The following GLRA1 variants were observed in gnomAD, a reference collection of about 807,000 sequenced individuals.
GLRA1 encodes the protein glycine receptor subunit alpha-1.
Under a neutral mutation model 48.3 loss-of-function variants are expected in GLRA1, and 37 were observed. The ratio of observed to expected loss-of-function variants is 0.77; its 90% CI spans 0.59 to 1.01. GLRA1 has a LOEUF of 1.01. Among genes scored for constraint, GLRA1 ranks in the 50% least tolerant of loss-of-function variants. The pLI is 0.00. For synonymous variants in GLRA1, 196 were observed against 210.7 expected (o/e 0.93, Z 0.60); for missense variants, 427 against 571.0 (o/e 0.75, Z 2.57).
intron 7 of GLRA1, among the ~76,000 whole-genome samples, chr5:151,840,621 G>T (rs1197101355): frequency 1.3e-5 from 2 of 151,218 alleles, no homozygotes; most frequent in Non-Finnish European, 2.9e-5. Context: ...GTCTATAAAA[G>T]ATACACTTTA....
chr5:151,904,832 G>A (rs891009547), intron 1 of GLRA1, among the ~76,000 whole-genome samples: 3 of 152,184 alleles, frequency 2.0e-5, no homozygotes, highest in Non-Finnish European at 2.9e-5. Context: ...TTCAAAGAGA[G>A]TTGGCAGATC....
rs121918415 is a variant in GLRA1 at position 151,855,047 on chromosome 5, G to A, written c.690C>T (p.Tyr230=). The change falls in exon 6 of 9, where the codon TAC becomes TAT. Residue 230 remains tyrosine, a synonymous_variant. Transcript: ENST00000274576. ...GGTGGCCCTTGTACCTACCTGTGTT[G>A]TAGTGCTTGGTGCAGTATCTCAAGT... ...EKDLRYCTKH[Y]NTGKFTCIEA... The A allele has an allele frequency of 3.7e-6, 6 of 1,614,134 alleles. No homozygotes were observed. Among genetic ancestry groups the A allele is most frequent in the Non-Finnish European group, 5.1e-6 (6 of 1,180,000 alleles).
At chr5:151,825,966 C>T (rs1178227371) in intron 8 of GLRA1, among the ~76,000 whole-genome samples, 1 of 152,158 alleles carries the variant, frequency 6.6e-6, no homozygotes, top group Non-Finnish European at 1.5e-5. Flanking sequence ...GGAAACTATT[C>T]TTTATGGTGA....
intron 8 of GLRA1, among the ~76,000 whole-genome samples, chr5:151,824,462 G>A (rs930869560): frequency 6.6e-6 from 1 of 152,136 alleles, no homozygotes; most frequent in African/African-American, 2.4e-5. Flanking sequence ...CCTGGACCCT[G>A]CCTGCTTTTG....
In GLRA1 at chr5:151,822,653, C is replaced by A. The variant is rs1322213050; in HGVS notation, c.*20G>T. 1 of 1,575,126 alleles carries A rather than the reference C, an allele frequency of 6.3e-7. No individual in the cohort carries two copies. The highest frequency in any genetic ancestry group is 1.3e-5 in the African/African-American group (1 of 74,098). On this transcript the variant is annotated 3_prime_UTR_variant, in exon 9 of 9. Transcript: ENST00000274576. ...TTCCCACGTTCCCCTCTCCCAGCCT[C>A]CCCCAACCTTTCAGACCCTTCACTG...
intron 7 of GLRA1, 144 bp downstream of exon 7, chr5:151,851,246 C>G (rs1752901275): frequency 1.5e-6 from 1 of 669,802 alleles, no homozygotes; most frequent in Non-Finnish European, 2.7e-6. Flanking sequence ...GTAGAACCTG[C>G]AAAGATCTGC....
At chr5:151,865,689 A>G (rs754701346) in intron 3 of GLRA1, among the ~76,000 whole-genome samples, 1 of 152,222 alleles carries the variant, frequency 6.6e-6, no homozygotes, top group Non-Finnish European at 1.5e-5. Context: ...TACATCATCT[A>G]AAAGAAGAAA....
At chr5:151,886,455 CTTG>C (rs1034970409) in intron 3 of GLRA1, among the ~76,000 whole-genome samples, 2 of 152,170 alleles carry the variant, frequency 1.3e-5, no homozygotes, top group African/African-American at 4.8e-5. Context: ...AAAAATTTGA[CTTG>C]TTGTATAATT....
Position 151,847,314 on chromosome 5 carries a change from A to G in GLRA1, c.912+4076T>C, listed in dbSNP as rs570225392. ...GTAGAATGCAGCATGTAGCATTAAA[A>G]GAGAGTGAAGTAGAATGAAGTATCA... On this transcript the variant is annotated intron_variant, in intron 7 of 8. Coordinates refer to ENST00000274576, the MANE Select transcript of GLRA1 (RefSeq NM_000171.4). Among the ~76,000 whole-genome samples, 37 of 152,356 alleles carry G rather than the reference A, an allele frequency of 2.4e-4. No individual in the cohort carries two copies. In the South Asian group the frequency reaches 6.8e-3, roughly 28 times the overall value.
rs79257552 is a variant in GLRA1, at chr5:151,882,884, T to C, written c.252+3837A>G. 9.4e-3 allele frequency among the ~76,000 whole-genome samples: 1,427 copies of C among 152,272 alleles called. 20 individuals are homozygous for C. Among genetic ancestry groups the C allele is most frequent in the African/African-American group, 0.032 (1,334 of 41,548 alleles). On this transcript the variant is annotated intron_variant, in intron 3 of 8. Coordinates refer to ENST00000274576, the MANE Select transcript of GLRA1 (RefSeq NM_000171.4). ...TTGACAGGTTATTGGGAACAGACTT[T>C]AAGTGAAATGACATATAGCAGTTTA...
intron 7 of GLRA1, among the ~76,000 whole-genome samples, chr5:151,830,123 A>T (rs888845195): frequency 1.3e-5 from 2 of 152,214 alleles, no homozygotes. Context: ...ATCCAGCTCC[A>T]TAGTAGCATT....
rs140574508 is a variant in GLRA1 at position 151,843,519 on chromosome 5, C to A, written c.912+7871G>T. 1.4e-3 allele frequency among the ~76,000 whole-genome samples: 210 copies of A among 152,132 alleles called. 2 individuals are homozygous for A. The East Asian group carries it at 0.015, about 11-fold the overall frequency. On this transcript the variant is annotated intron_variant, in intron 7 of 8. Coordinates refer to ENST00000274576, the MANE Select transcript of GLRA1 (RefSeq NM_000171.4). ...CTTGTGATCTGCCCACCTCAGCCTC[C>A]CAAAGTGCTGGGATTACAGGTGTGA...
intron 7 of GLRA1, among the ~76,000 whole-genome samples, chr5:151,835,969 G>T (rs1198823523): frequency 6.6e-6 from 1 of 152,156 alleles, no homozygotes; most frequent in Non-Finnish European, 1.5e-5. Context: ...GGGCAGTCAG[G>T]CAAGAGAAAG....
chr5:151,889,432 C>T (rs1024508652), intron 2 of GLRA1, among the ~76,000 whole-genome samples: 6 of 152,218 alleles, frequency 3.9e-5, no homozygotes, highest in African/African-American at 1.4e-4. Flanking sequence ...GGCTGAGATA[C>T]AGTAAGTGAC....
Position 151,892,458 on chromosome 5 carries a change from A to G in GLRA1, c.57-20T>C. The G allele has an allele frequency of 2.5e-6, 4 of 1,613,628 alleles. No individual in the cohort carries two copies. The highest frequency in any genetic ancestry group is 3.4e-6 in the Non-Finnish European group (4 of 1,179,698). On this transcript the variant is annotated intron_variant, in intron 1 of 8. Transcript: ENST00000274576. ...GCAAGGCTAAGGAGGAAGAGAGGAG[A>G]GCAAAAGGTTAATGATGGCTCTTTC... is the stretch of plus-strand genomic sequence containing the variant.
At chr5:151,918,880 G>A (rs147395010) in intron 1 of GLRA1, among the ~76,000 whole-genome samples, 1 of 152,150 alleles carries the variant, frequency 6.6e-6, no homozygotes, top group Non-Finnish European at 1.5e-5. Flanking sequence ...GTCCAAATTT[G>A]TAAGAGTGCA....
At chr5:151,858,090 G>C (rs771308097) in intron 4 of GLRA1, among the ~76,000 whole-genome samples, 3 of 152,142 alleles carry the variant, frequency 2.0e-5, no homozygotes, top group Non-Finnish European at 4.4e-5. Context: ...ATACCTAATT[G>C]GTGGTGTTCT....
rs1343858446 is a variant in GLRA1 at position 151,893,290 on chromosome 5, TTCTTTCTTTC to T, written c.57-862_57-853del. ...TGACCCTCCCTCTGCCCAACTTTCT[TTCTTTCTTTC>T]TTTCTTTCTTTCTTTCTTTCTTTCT... On this transcript the variant is annotated intron_variant, in intron 1 of 8. Transcript: ENST00000274576. 6.4e-5 allele frequency among the ~76,000 whole-genome samples: 5 copies of T among 78,444 alleles called. No homozygotes were observed. The South Asian group carries it at 2.4e-3, about 37-fold the overall frequency. 51.5% of individuals were successfully genotyped at this position (78,444 alleles called of 152,430 possible).
chr5:151,843,133 G>A (rs1752543889), intron 7 of GLRA1, among the ~76,000 whole-genome samples: 1 of 152,030 alleles, frequency 6.6e-6, no homozygotes, highest in Non-Finnish European at 1.5e-5. Flanking sequence ...CATGTTGATG[G>A]AATTGGAAGA....
Sources: allele counts gnomAD v4.1 joint callset (sites outside exome capture counted in the v4.1 genomes callset), GRCh38; gene constraint gnomAD v4.1.1; transcripts MANE v1.5; gene names NCBI Gene and HGNC (gene_info 2026-07-23, HGNC 2026-07-21).